FSTL4: variants seen among roughly 807,000 people sequenced by gnomAD.
The protein encoded by FSTL4 is follistatin-related protein 4.
Under a neutral mutation model 78.2 loss-of-function variants are expected in FSTL4, and 28 were observed. That is an observed-to-expected ratio of 0.36 (90% confidence interval 0.27 to 0.49). The LOEUF (loss-of-function observed/expected upper bound fraction) is 0.49, where lower values mean the gene tolerates loss of function less well. Among genes scored for constraint, FSTL4 ranks in the 20% least tolerant of loss-of-function variants. The pLI, the probability that FSTL4 is intolerant of heterozygous loss-of-function variation, is 0.98. For missense variants in FSTL4, 922 were observed against 1,084.9 expected, an observed-to-expected ratio of 0.85 and a Z score of 2.11; for synonymous variants, 422 against 440.5, an observed-to-expected ratio of 0.96 and a Z score of 0.53.
intron 3 of FSTL4, among the ~76,000 whole-genome samples, chr5:133,419,406 C>T (rs978232095): frequency 5.9e-5 from 9 of 152,128 alleles, no homozygotes; most frequent in Non-Finnish European, 1.2e-4. Flanking sequence ...GCGTGAGCCA[C>T]CACACCCAGC....
chr5:133,354,130 C>T lies in FSTL4; in HGVS notation c.410-37478G>A, dbSNP rs566138674. Among the ~76,000 whole-genome samples, 11 of 152,066 alleles carry T rather than the reference C, an allele frequency of 7.2e-5. 1 individual carries two copies. The East Asian group carries it at 2.1e-3, about 29-fold the overall frequency. ...TTAGTTTGTGCATCTGTAAACTGAC[C>T]CCTATTATACAGGACTATTATAAGG... is the stretch of plus-strand genomic sequence containing the variant. On this transcript the variant is annotated intron_variant, in intron 4 of 15. Transcript: ENST00000265342.
chr5:133,828,080 T>C, the FSTL4 span, among the ~76,000 whole-genome samples: 2 of 151,904 alleles, frequency 1.3e-5, no homozygotes, highest in African/African-American at 4.8e-5. Context: ...GACCATTGGG[T>C]TGGGGACATA....
In FSTL4 at chr5:133,303,082, C is replaced by T. The variant is rs1315616047; in HGVS notation, c.727+9572G>A. Among the ~76,000 whole-genome samples, 3 of 152,332 alleles carry T rather than the reference C, an allele frequency of 2.0e-5. No homozygotes were observed. The East Asian group carries it at 5.8e-4, about 29-fold the overall frequency. ...ACTTTCCCTTTGTCCTTTTGTGCCT[C>T]CTGCGTTTGTTACTGTATAGCCCTG... is the stretch of plus-strand genomic sequence containing the variant. On this transcript the variant is annotated intron_variant, in intron 6 of 15. Coordinates refer to ENST00000265342, the MANE Select transcript of FSTL4 (RefSeq NM_015082.2).
rs1161858244 is a variant in FSTL4, at chr5:133,322,238, CA to C, written c.410-5587del. Among the ~76,000 whole-genome samples, 129 of 111,692 alleles carry C rather than the reference CA, an allele frequency of 1.2e-3. 1 individual carries two copies. Among genetic ancestry groups the C allele is most frequent in the African/African-American group, 5.3e-3 (114 of 21,320 alleles). The allele number at this position is 111,692 out of a possible 152,430, so 73.3% of individuals were successfully genotyped here. Reference sequence around the variant, plus strand: ...ACACACACACACCCACACACACACACACCCCCACACCCACCCACACCCACCC... The same window carrying C: ...ACACACACACACCCACACACACACACCCCCCACACCCACCCACACCCACCC... On this transcript the variant is annotated intron_variant, in intron 4 of 15. Transcript: ENST00000265342.
the FSTL4 span, among the ~76,000 whole-genome samples, chr5:133,623,319 G>A: frequency 6.6e-6 from 1 of 152,016 alleles, no homozygotes; most frequent in African/African-American, 2.4e-5. Flanking sequence ...ATAGACCAAT[G>A]GAATAGAATT....
At chr5:133,212,440 C>T (rs1750763095) in intron 13 of FSTL4, among the ~76,000 whole-genome samples, 1 of 152,214 alleles carries the variant, frequency 6.6e-6, no homozygotes, top group Admixed American at 6.5e-5. Flanking sequence ...GGATTAGGGG[C>T]AAATCAGAGG....
chr5:133,800,384 A>C, the FSTL4 span, among the ~76,000 whole-genome samples: 1 of 138,270 alleles, frequency 7.2e-6, no homozygotes, highest in African/African-American at 2.7e-5. Context: ...AAGAAGAAAA[A>C]TTGTCTTGGG....
chr5:133,265,257 G>A (rs1752618741), intron 6 of FSTL4, among the ~76,000 whole-genome samples: 1 of 152,122 alleles, frequency 6.6e-6, no homozygotes, highest in Admixed American at 6.5e-5. Flanking sequence ...CACTGAGCTG[G>A]ACACAAGCGG....
chr5:133,228,387 T>G (rs916371324), intron 8 of FSTL4, among the ~76,000 whole-genome samples: 40 of 152,164 alleles, frequency 2.6e-4, no homozygotes, highest in African/African-American at 9.2e-4. Context: ...GAATAATCCC[T>G]AGAGCATGGA....
chr5:133,300,546 C>A (rs946444782), intron 6 of FSTL4, among the ~76,000 whole-genome samples: 1 of 152,138 alleles, frequency 6.6e-6, no homozygotes, highest in African/African-American at 2.4e-5. Flanking sequence ...GGGCTTCCTG[C>A]GAGCTCCTCC....
At chr5:133,730,511 C>T in the FSTL4 span, among the ~76,000 whole-genome samples, 3 of 152,138 alleles carry the variant, frequency 2.0e-5, no homozygotes, top group African/African-American at 7.2e-5. Flanking sequence ...CCTGGTATGC[C>T]AGACCCAGCC....
intron 4 of FSTL4, among the ~76,000 whole-genome samples, chr5:133,350,509 G>T (rs1210013441): frequency 6.6e-6 from 1 of 152,206 alleles, no homozygotes; most frequent in Admixed American, 6.5e-5. Flanking sequence ...CCTTCTTAAG[G>T]TTTCTCTCAA....
At chr5:133,540,276 TTC>T (rs753760636) in intron 3 of FSTL4, among the ~76,000 whole-genome samples, 75 of 150,554 alleles carry the variant, frequency 5.0e-4, no homozygotes, top group African/African-American at 1.5e-3. Flanking sequence ...CACTCATTCA[TTC>T]TCTCTCTCTC....
the FSTL4 span, among the ~76,000 whole-genome samples, chr5:133,619,802 A>G: frequency 6.6e-6 from 1 of 152,216 alleles, no homozygotes; most frequent in African/African-American, 2.4e-5. Flanking sequence ...CAAGCCTTTC[A>G]CTACAACCCT....
At chr5:133,701,509 A>ACCC in the FSTL4 span, among the ~76,000 whole-genome samples, 25 of 132,684 alleles carry the variant, frequency 1.9e-4, no homozygotes, top group South Asian at 7.7e-4. Flanking sequence ...ACACACACAC[A>ACCC]CCCCACAGGC....
At chr5:133,778,035 C>T in the FSTL4 span, among the ~76,000 whole-genome samples, 2 of 152,228 alleles carry the variant, frequency 1.3e-5, no homozygotes, top group Non-Finnish European at 2.9e-5. Flanking sequence ...CTCAGCTTGT[C>T]AGTGGGGTCT....
At chr5:133,521,890 G>C (rs1325080356) in intron 3 of FSTL4, among the ~76,000 whole-genome samples, 3 of 152,164 alleles carry the variant, frequency 2.0e-5, no homozygotes, top group Admixed American at 1.3e-4. Flanking sequence ...TTGATCTCCT[G>C]CCTCCAGGTA....
the FSTL4 span, among the ~76,000 whole-genome samples, chr5:133,624,981 C>A: frequency 6.6e-6 from 1 of 151,534 alleles, no homozygotes; most frequent in African/African-American, 2.4e-5. Context: ...CTCTTTATTT[C>A]TCTTGGTATA....
chr5:133,786,298 C>T, the FSTL4 span, among the ~76,000 whole-genome samples: 1 of 152,208 alleles, frequency 6.6e-6, no homozygotes, highest in East Asian at 1.9e-4. Context: ...TCTATTTTAA[C>T]GGCCGCAGTT....
Sources: allele counts gnomAD v4.1 joint callset (sites outside exome capture counted in the v4.1 genomes callset), GRCh38; gene constraint gnomAD v4.1.1; transcripts MANE v1.5; gene names NCBI Gene and HGNC (gene_info 2026-07-23, HGNC 2026-07-21).